The following SPTBN4 variants were observed in gnomAD, a reference collection of about 807,000 sequenced individuals.
The protein encoded by SPTBN4 is spectrin beta, non-erythrocytic 4.
Under a neutral mutation model 277.8 loss-of-function variants are expected in SPTBN4, and 96 were observed. The ratio of observed to expected loss-of-function variants is 0.35; its 90% CI spans 0.29 to 0.41. The LOEUF is 0.41. Ranked by LOEUF, SPTBN4 falls within the 10% of genes least tolerant of loss-of-function variation. SPTBN4 has a pLI of 1.00. For missense variants in SPTBN4, 3,006 were observed against 3,595.7 expected, an observed-to-expected ratio of 0.84 and a Z score of 4.19; for synonymous variants, 1,481 against 1,580.3, an observed-to-expected ratio of 0.94 and a Z score of 1.49.
intron 13 of SPTBN4, among the ~76,000 whole-genome samples, chr19:40,509,245 A>G (rs1057306732): frequency 3.3e-5 from 5 of 150,706 alleles, no homozygotes; most frequent in African/African-American, 4.9e-5. Context: ...TATTATTTTT[A>G]CTTATTTATT....
rs370809848 is a variant in SPTBN4 at position 40,570,736 on chromosome 19, T to A, written c.7319+8T>A. 2 of 1,603,750 alleles carry A rather than the reference T, an allele frequency of 1.2e-6. No individual in the cohort carries two copies. The highest frequency in any genetic ancestry group is 1.1e-5 in the South Asian group (1 of 90,156). On this transcript the variant is annotated splice_region_variant and intron_variant, in intron 33 of 35. Transcript: ENST00000598249. ...CCGCAAGTCGTCCAACCGGTGAGCG[T>A]GTGGGCGGGGCTTTGGAAGGCGGGT...
intron 12 of SPTBN4, among the ~76,000 whole-genome samples, chr19:40,504,601 G>A (rs10422136): frequency 5.0e-4 from 76 of 151,646 alleles, no homozygotes; most frequent in African/African-American, 1.7e-3. Flanking sequence ...CCCGGGAGGC[G>A]GAGCTTGCAG....
chr19:40,524,591 C>G, intron 17 of SPTBN4: 1 of 456,632 alleles, frequency 2.2e-6, no homozygotes. Context: ...TGGGAACCCC[C>G]AGACCTCCCC....
chr19:40,467,770 C>T (rs970162653), intron 1 of SPTBN4, among the ~76,000 whole-genome samples: 1 of 152,170 alleles, frequency 6.6e-6, no homozygotes, highest in African/African-American at 2.4e-5. Flanking sequence ...CTAAGGGCCT[C>T]CCCATCTCTA....
At chr19:40,569,059 G>A (rs1240270838) in intron 31 of SPTBN4, among the ~76,000 whole-genome samples, 3 of 152,074 alleles carry the variant, frequency 2.0e-5, no homozygotes, top group Non-Finnish European at 2.9e-5. Flanking sequence ...GAATGGGGGC[G>A]ATTGGGGGAC....
At position 40,472,615 on chromosome 19, in the gene SPTBN4, T is replaced by C; in HGVS notation, c.-7T>C. On this transcript the variant is annotated 5_prime_UTR_variant, in exon 2 of 36. Coordinates refer to ENST00000598249, the MANE Select transcript of SPTBN4 (RefSeq NM_020971.3). Reference sequence around the variant, plus strand: ...CCTCTCCCTATGTCCAGGCCTCACCTTCCCCGATGGCGCAGGTACCAGGGG... The same window carrying C: ...CCTCTCCCTATGTCCAGGCCTCACCCTCCCCGATGGCGCAGGTACCAGGGG... The C allele has an allele frequency of 6.2e-7, 1 of 1,609,898 alleles. No homozygotes were observed. The highest frequency in any genetic ancestry group is 2.2e-5 in the East Asian group (1 of 44,812).
At chr19:40,574,908 A>G (rs843778) in intron 35 of SPTBN4, among the ~76,000 whole-genome samples, 70,825 of 150,962 alleles carry the variant, frequency 0.47, 17,092 homozygotes, top group African/African-American at 0.6. Context: ...CCAGACACTC[A>G]GGAGACTGAG....
Position 40,519,623 on chromosome 19 carries a change from G to A in SPTBN4, c.3126G>A (p.Leu1042=). Residue 1042 remains leucine (L), a synonymous_variant, in exon 16 of 36, where the codon CTG becomes CTA. Transcript: ENST00000598249. The surrounding 1 kb of genome is among the most constrained non-coding windows in gnomAD (Gnocchi z 5.7). ...TGGAGCCGCGCCAGGCGGCCCTTCT[G>A]GAGGAGGCAGCCCTGCTGGCTGAGC... ...QALEPRQAAL[L]EEAALLAERF... 6.9e-6 allele frequency: 10 copies of A among 1,445,752 alleles called. No homozygotes were observed. The highest frequency in any genetic ancestry group is 9.0e-6 in the Non-Finnish European group (10 of 1,111,572). 89.6% of individuals were successfully genotyped at this position (1,445,752 alleles called of 1,614,324 possible).
intron 7 of SPTBN4, 73 bp downstream of exon 7, chr19:40,497,677 C>A: frequency 2.5e-6 from 3 of 1,216,576 alleles, no homozygotes; most frequent in African/African-American, 1.5e-5. Context: ...TCACACTCAA[C>A]TCCATCCCAC....
Position 40,529,128 on chromosome 19 carries a change from C to T in SPTBN4, c.3945C>T (p.His1315=), listed in dbSNP as rs2080630266. The T allele has an allele frequency of 4.3e-6, 7 of 1,613,780 alleles. No individual in the cohort carries two copies. Among genetic ancestry groups the T allele is most frequent in the Non-Finnish European group, 5.1e-6 (6 of 1,179,730 alleles). ...LELQHFLRDC[H]ELDGWIHEKM... is the part of the protein sequence containing the mutation. ...TGCAGCACTTCCTCCGAGACTGCCA[C>T]GAGGTAGGAACTCCAGGTGTGCTGG... The change falls in exon 18 of 36, where the codon CAC becomes CAT. Residue 1315 remains histidine (H), a synonymous_variant. Transcript: ENST00000598249.
intron 2 of SPTBN4, among the ~76,000 whole-genome samples, chr19:40,476,960 G>A (rs1212847791): frequency 2.0e-5 from 3 of 151,768 alleles, no homozygotes; most frequent in East Asian, 1.9e-4. Flanking sequence ...TCAAACTCCC[G>A]GTGTCAACTC....
chr19:40,574,614 A>G (rs1332211510), intron 35 of SPTBN4, among the ~76,000 whole-genome samples: 4 of 152,082 alleles, frequency 2.6e-5, no homozygotes, highest in Admixed American at 6.5e-5. Context: ...CACCCGCCTC[A>G]GCCTCCCAAA....
At chr19:40,497,434 T>G in intron 6 of SPTBN4, 55 bp from the exon 7 acceptor site, 2 of 1,385,766 alleles carry the variant, frequency 1.4e-6, no homozygotes, top group Non-Finnish European at 2.1e-6. Context: ...CTTCCCTGCT[T>G]GCCCGCCGGC....
Position 40,519,564 on chromosome 19 carries a change from C to T in SPTBN4, c.3067C>T (p.Arg1023Cys). 1 of 1,551,616 alleles carries T rather than the reference C, an allele frequency of 6.4e-7. No homozygotes were observed. The highest frequency in any genetic ancestry group is 8.7e-7 in the Non-Finnish European group (1 of 1,154,160). ...APRAGGALQW[R>C]LSGLEAALQA... is the part of the protein sequence containing the mutation. Reference sequence around the variant, plus strand: ...CCGGGCCGGCGGCGCCCTGCAGTGGCGTCTTAGCGGCCTAGAGGCCGCTCT... The same window carrying T: ...CCGGGCCGGCGGCGCCCTGCAGTGGTGTCTTAGCGGCCTAGAGGCCGCTCT... The change falls in exon 16 of 36, where the codon CGT (arginine) becomes TGT (cysteine). Residue 1023 changes from arginine (R) to cysteine (C), a missense_variant. Physicochemically the swap from Arg to Cys is radical, Grantham distance 180. Around this residue, in one of 5 missense-constraint regions of SPTBN4, gnomAD observed 1,759 missense variants for 2,061.5 expected, o/e 0.85. Coordinates refer to ENST00000598249, the MANE Select transcript of SPTBN4 (RefSeq NM_020971.3). This position sits in a 1 kb window ranked among gnomAD's most constrained non-coding sequence, Gnocchi z 5.7.
chr19:40,502,497 A>T lies in SPTBN4; in HGVS notation c.1193A>T (p.Asp398Val). ...FVPREGCGIW[D>V]IDKAWGELEK... ...CCTCGGGAGGGCTGTGGCATCTGGG[A>T]TATTGACAAGGTGAGGCCGGGGATG... The change falls in exon 10 of 36, where the codon GAT (aspartate) becomes GTT (valine). Residue 398 changes from aspartate (D) to valine (V), a missense_variant. Asp to Val is a radical substitution (Grantham distance 152). Around this residue, in one of 5 missense-constraint regions of SPTBN4, gnomAD observed 1,759 missense variants for 2,061.5 expected, o/e 0.85. Transcript: ENST00000598249. This position sits in a 1 kb window ranked among gnomAD's most constrained non-coding sequence, Gnocchi z 4.9. 1 of 1,612,490 alleles carries T rather than the reference A, an allele frequency of 6.2e-7. No individual in the cohort carries two copies. Among genetic ancestry groups the T allele is most frequent in the Non-Finnish European group, 8.5e-7 (1 of 1,179,550 alleles).
intron 18 of SPTBN4, 148 bp downstream of exon 18, chr19:40,529,279 G>T: frequency 1.4e-6 from 1 of 710,328 alleles, no homozygotes; most frequent in Non-Finnish European, 2.3e-6. Flanking sequence ...CGCGGAGCCG[G>T]GTCTCAGTGC....
chr19:40,572,118 G>A lies in SPTBN4; in HGVS notation c.7419G>A (p.Pro2473=), dbSNP rs993791378. The change falls in exon 34 of 36, where the codon CCG becomes CCA. Residue 2473 remains proline (P), a synonymous_variant. Coordinates refer to ENST00000598249, the MANE Select transcript of SPTBN4 (RefSeq NM_020971.3). ...PASGSTHGGE[P]LLSLHKATSE... ...CCGGGAGCACACACGGTGGGGAACC[G>A]CTGCTCAGCCTGCACAAGGCCACCA... 10 of 1,612,666 alleles carry A rather than the reference G, an allele frequency of 6.2e-6. No individual in the cohort carries two copies. Among genetic ancestry groups the A allele is most frequent in the East Asian group, 2.2e-5 (1 of 44,882 alleles).
intron 2 of SPTBN4, among the ~76,000 whole-genome samples, chr19:40,485,808 A>T (rs1396896374): frequency 6.6e-6 from 1 of 151,998 alleles, no homozygotes; most frequent in African/African-American, 2.4e-5. Flanking sequence ...TGTGACTCAA[A>T]AAAAAAAGAG....
At chr19:40,497,955 C>T (rs147514214) in intron 7 of SPTBN4, among the ~76,000 whole-genome samples, 1,588 of 151,930 alleles carry the variant, frequency 0.01, 106 homozygotes, top group Admixed American at 0.094. Flanking sequence ...CTCCCCTACC[C>T]CAGCCCCAAA....
Sources: allele counts gnomAD v4.1 joint callset (sites outside exome capture counted in the v4.1 genomes callset), GRCh38; gene constraint gnomAD v4.1.1; regional missense constraint gnomAD v4.1.1; non-coding constraint Gnocchi (gnomAD v3.1); transcripts MANE v1.5; gene names NCBI Gene and HGNC (gene_info 2026-07-23, HGNC 2026-07-21).